ABI3BP: variants seen among roughly 807,000 people sequenced by gnomAD.
The protein encoded by ABI3BP is target of Nesh-SH3.
Under a neutral mutation model 268.6 loss-of-function variants are expected in ABI3BP, and 216 were observed. That is an observed-to-expected ratio of 0.80 (90% CI 0.72 to 0.90). The LOEUF is 0.90. ABI3BP is among the 40% of genes least tolerant of loss of function. The pLI, the probability that ABI3BP is intolerant of heterozygous loss-of-function variation, is 0.00. For missense variants in ABI3BP, 2,090 were observed against 2,182.4 expected (o/e 0.96, Z 0.84); for synonymous variants, 730 against 730.0 (o/e 1.00, Z 0.00).
chr3:100,982,174 GGGAGAAACCACCCCCAT>G, intron 1 of ABI3BP, among the ~76,000 whole-genome samples: 1 of 100,914 alleles, frequency 9.9e-6, no homozygotes, highest in Admixed American at 1.1e-4. Context: ...AGAACAGCGT[GGGAGAAACCACCCCCAT>G]GATCCAATCA....
intron 38 of ABI3BP, among the ~76,000 whole-genome samples, chr3:100,821,362 G>T (rs1290303882): frequency 6.6e-6 from 1 of 152,060 alleles, no homozygotes; most frequent in Non-Finnish European, 1.5e-5. Flanking sequence ...GACTATGTAG[G>T]TATTGCTAAG....
At chr3:100,756,465 C>T (rs2095621909) in intron 63 of ABI3BP, among the ~76,000 whole-genome samples, 1 of 152,282 alleles carries the variant, frequency 6.6e-6, no homozygotes, top group African/African-American at 2.4e-5. Flanking sequence ...CTACAGAAAT[C>T]ACACACACAT....
At chr3:100,932,288 C>T (rs1227124591) in intron 1 of ABI3BP, among the ~76,000 whole-genome samples, 1 of 151,922 alleles carries the variant, frequency 6.6e-6, no homozygotes, top group Non-Finnish European at 1.5e-5. Flanking sequence ...TGGACATAGG[C>T]CTTCGCAAAG....
chr3:100,835,698 A>G, intron 27 of ABI3BP, 38 bp from the exon 28 acceptor site: 2 of 1,430,030 alleles, frequency 1.4e-6, no homozygotes, highest in Non-Finnish European at 1.9e-6. Flanking sequence ...GGAGATTAAG[A>G]AATACAGAAA....
chr3:100,825,671 G>A, intron 35 of ABI3BP, 114 bp downstream of exon 35: 1 of 822,688 alleles, frequency 1.2e-6, no homozygotes, highest in African/African-American at 1.7e-5. Flanking sequence ...AGGCAGTGAT[G>A]TTTGCTATTT....
At chr3:100,834,455 T>C (rs1016956408) in intron 29 of ABI3BP, among the ~76,000 whole-genome samples, 4 of 152,082 alleles carry the variant, frequency 2.6e-5, no homozygotes, top group Non-Finnish European at 4.4e-5. Flanking sequence ...AAAAATGTAA[T>C]TGAATGTCAG....
At chr3:100,956,541 G>C (rs1228521403) in intron 1 of ABI3BP, among the ~76,000 whole-genome samples, 6 of 152,206 alleles carry the variant, frequency 3.9e-5, no homozygotes, top group African/African-American at 1.4e-4. Flanking sequence ...ACAAAGAACA[G>C]AGGCCCTGGT....
At chr3:100,800,456 A>G (rs1030430312) in intron 51 of ABI3BP, among the ~76,000 whole-genome samples, 7 of 152,194 alleles carry the variant, frequency 4.6e-5, no homozygotes, top group African/African-American at 1.7e-4. Context: ...CCAGGAATGT[A>G]GTCATTCTGA....
chr3:100,941,961 T>C (rs2069485041), intron 1 of ABI3BP, among the ~76,000 whole-genome samples: 1 of 152,012 alleles, frequency 6.6e-6, no homozygotes. Context: ...AGAGGCAACC[T>C]CACACAATCA....
rs200832118 is a variant in ABI3BP, at chr3:100,782,345, C to CT, written c.4163-2137dup. Among the ~76,000 whole-genome samples, 1,340 of 148,782 alleles carry CT rather than the reference C, an allele frequency of 9.0e-3. 14 individuals carry two copies. The highest frequency in any genetic ancestry group is 0.019 in the African/African-American group (783 of 40,678). On this transcript the variant is annotated intron_variant, in intron 57 of 67. Transcript: ENST00000471714. ...CCAAAGATACAAATTCCCTTGCCCT[C>CT]TTTTTTTTTTATCCAGGGAGAAACT...
At chr3:100,765,977 C>A in intron 62 of ABI3BP, 28 bp from the exon 63 acceptor site, 1 of 1,526,402 alleles carries the variant, frequency 6.6e-7, no homozygotes, top group Non-Finnish European at 9.0e-7. Flanking sequence ...CCAACAGATA[C>A]TTGTTTTTAT....
At chr3:100,968,182 G>T (rs6787878) in intron 1 of ABI3BP, among the ~76,000 whole-genome samples, 17,547 of 152,100 alleles carry the variant, frequency 0.12, 1,284 homozygotes, top group Middle Eastern at 0.2. Context: ...ATACAGCTTT[G>T]AATCCCAAAA....
chr3:100,856,190 G>A (rs2098937975), intron 14 of ABI3BP, among the ~76,000 whole-genome samples: 1 of 152,134 alleles, frequency 6.6e-6, no homozygotes, highest in African/African-American at 2.4e-5. Context: ...GTCCTTATAT[G>A]TTTACTTCTT....
intron 19 of ABI3BP, 75 bp from the exon 20 acceptor site, chr3:100,846,521 A>G: frequency 9.3e-7 from 1 of 1,075,386 alleles, no homozygotes; most frequent in Non-Finnish European, 1.4e-6. Context: ...ACAGAAGGAA[A>G]ACCTAGAAAT....
chr3:100,853,289 T>G (rs78664969), intron 14 of ABI3BP, among the ~76,000 whole-genome samples: 2,106 of 152,344 alleles, frequency 0.014, 27 homozygotes, highest in Non-Finnish European at 0.024. Flanking sequence ...TATTATATTG[T>G]AATGTCAAGT....
At position 100,754,596 on chromosome 3, in the gene ABI3BP, C is replaced by G; in HGVS notation, c.4930+16G>C. ...CCTTTTACATCCTTTTTGGGAATTA[C>G]TGTTGATGTAATTACCTGATTCAGT... On this transcript the variant is annotated intron_variant, in intron 64 of 67. Coordinates refer to ENST00000471714, the MANE Select transcript of ABI3BP (RefSeq NM_001375547.2). 6.4e-7 allele frequency: 1 copy of G among 1,566,534 alleles called. No homozygotes were observed. The highest frequency in any genetic ancestry group is 1.4e-5 in the African/African-American group (1 of 74,004).
chr3:100,878,031 A>AT (rs952715595), intron 6 of ABI3BP, among the ~76,000 whole-genome samples: 1 of 152,156 alleles, frequency 6.6e-6, no homozygotes, highest in African/African-American at 2.4e-5. Flanking sequence ...TTATCAGATT[A>AT]TTTTTTTAAA....
At chr3:100,852,133 T>C (rs1160839373) in intron 14 of ABI3BP, among the ~76,000 whole-genome samples, 193 bp from the exon 15 acceptor site, 1 of 152,198 alleles carries the variant, frequency 6.6e-6, no homozygotes, top group Non-Finnish European at 1.5e-5. Flanking sequence ...GGTCCTTTTT[T>C]GCTCTGAACC....
chr3:100,869,395 T>C (rs960813043), intron 9 of ABI3BP, among the ~76,000 whole-genome samples: 1 of 136,672 alleles, frequency 7.3e-6, no homozygotes, highest in African/African-American at 2.8e-5. Context: ...CTGGATACAG[T>C]GACATGATAA....
Sources: gnomAD v4.1 joint callset for allele counts (sites outside exome capture counted in the v4.1 genomes callset) on GRCh38, gnomAD v4.1.1 for gene constraint, MANE v1.5 for transcripts, NCBI Gene and HGNC (gene_info 2026-07-23, HGNC 2026-07-21) for gene names.